Variants in INPP5A observed in about 807,000 individuals in gnomAD.
The protein encoded by INPP5A is 43 kDa inositol polyphosphate 5-phophatase.
A neutral mutation model predicts 65.2 loss-of-function variants in INPP5A; 14 were observed. The observed-to-expected ratio is 0.21, with a 90% confidence interval of 0.14 to 0.34. The LOEUF is 0.34. Ranked by LOEUF, INPP5A falls within the 10% of genes least tolerant of loss-of-function variation. The pLI, the probability that INPP5A is intolerant of heterozygous loss-of-function variation, is 1.00. For synonymous variants in INPP5A, 207 were observed against 208.3 expected, an observed-to-expected ratio of 0.99 and a Z score of 0.05; for missense variants, 431 against 545.6, an observed-to-expected ratio of 0.79 and a Z score of 2.09.
At chr10:132,652,083 T>C (rs967808526) in intron 4 of INPP5A, among the ~76,000 whole-genome samples, 1 of 152,120 alleles carries the variant, frequency 6.6e-6, no homozygotes, top group Non-Finnish European at 1.5e-5. Flanking sequence ...CCAGCTTCTT[T>C]CTCTCAGCTC....
At chr10:132,569,103 A>G (rs1286166621) in intron 1 of INPP5A, among the ~76,000 whole-genome samples, 1 of 151,772 alleles carries the variant, frequency 6.6e-6, no homozygotes, top group African/African-American at 2.4e-5. Context: ...TTTAGTAGAG[A>G]CAGGGTTTCT....
At chr10:132,738,686 C>A (rs1278603201) in intron 9 of INPP5A, among the ~76,000 whole-genome samples, 1 of 152,270 alleles carries the variant, frequency 6.6e-6, no homozygotes, top group East Asian at 1.9e-4. Flanking sequence ...GCCTGCCAGG[C>A]TGCTGGAGTC....
intron 11 of INPP5A, among the ~76,000 whole-genome samples, chr10:132,765,561 A>G (rs112051777): frequency 0.019 from 2,863 of 152,266 alleles, 75 homozygotes; most frequent in African/African-American, 0.064. Context: ...GAGCACATCT[A>G]TAACGGGCAG....
chr10:132,665,807 C>A (rs2072793651), intron 4 of INPP5A, among the ~76,000 whole-genome samples: 1 of 151,644 alleles, frequency 6.6e-6, no homozygotes, highest in Admixed American at 6.6e-5. Context: ...GTAATCCCAG[C>A]ACTCTGGGAG....
At chr10:132,617,499 G>A (rs907372842) in intron 2 of INPP5A, among the ~76,000 whole-genome samples, 1 of 152,238 alleles carries the variant, frequency 6.6e-6, no homozygotes, top group Admixed American at 6.5e-5. Context: ...GGTCTCCTGT[G>A]AGCCACACCT....
At chr10:132,615,375 G>C (rs1414708364) in intron 2 of INPP5A, among the ~76,000 whole-genome samples, 1 of 152,242 alleles carries the variant, frequency 6.6e-6, no homozygotes, top group South Asian at 2.1e-4. Flanking sequence ...ATGGGATGCT[G>C]TATGAGGAAG....
chr10:132,759,178 C>T (rs938178245), intron 11 of INPP5A, among the ~76,000 whole-genome samples: 5 of 152,214 alleles, frequency 3.3e-5, no homozygotes, highest in African/African-American at 1.2e-4. Context: ...TCCACACGCT[C>T]AGAGCCCCCA....
intron 4 of INPP5A, among the ~76,000 whole-genome samples, chr10:132,680,594 G>C (rs2073029347): frequency 6.6e-6 from 1 of 152,242 alleles, no homozygotes; most frequent in South Asian, 2.1e-4. Flanking sequence ...CCGCTGCACT[G>C]TGGGAGCCCC....
chr10:132,730,195 C>T (rs1283527575), intron 9 of INPP5A, among the ~76,000 whole-genome samples: 5 of 152,246 alleles, frequency 3.3e-5, no homozygotes, highest in Non-Finnish European at 7.3e-5. Flanking sequence ...CCCTGCGGGG[C>T]CCTCCCCACC....
intron 4 of INPP5A, among the ~76,000 whole-genome samples, chr10:132,688,777 T>G (rs1845196592): frequency 6.7e-6 from 1 of 150,370 alleles, no homozygotes; most frequent in Non-Finnish European, 1.5e-5. Context: ...CACGAATGAG[T>G]TCGTGTGTGA....
rs1133400 is a variant in INPP5A at position 132,645,884 on chromosome 10, A to G, written c.134A>G (p.Lys45Arg). The change falls in exon 3 of 16, where the codon AAG becomes AGG. Residue 45 changes from lysine (K) to arginine (R), a missense_variant. Transcript: ENST00000368594. ...REFYQVVHTH[K>R]PHFMALHCQE... ...TCCCTCCAGGTCGTGCACACACACAAGCCGCACTTCATGGCCTTGCACTGT... is the reference window on the plus strand; with the variant it reads ...TCCCTCCAGGTCGTGCACACACACAGGCCGCACTTCATGGCCTTGCACTGT... The G allele has an allele frequency of 0.21, 340,902 of 1,611,502 alleles. 37,863 individuals are homozygous for G. Among genetic ancestry groups the G allele is most frequent in the East Asian group, 0.32 (14,562 of 44,826 alleles).
intron 12 of INPP5A, among the ~76,000 whole-genome samples, chr10:132,777,067 C>T (rs545868714): frequency 4.6e-5 from 7 of 152,290 alleles, no homozygotes; most frequent in African/African-American, 1.7e-4. Flanking sequence ...CTACTGGCAC[C>T]GCCATGTGGC....
At chr10:132,646,801 G>A (rs554169002) in intron 3 of INPP5A, among the ~76,000 whole-genome samples, 6 of 152,218 alleles carry the variant, frequency 3.9e-5, no homozygotes, top group South Asian at 2.1e-4. Context: ...GTGGGCCGAC[G>A]CCGCTGCCAC....
chr10:132,588,369 C>G (rs1347634332), intron 1 of INPP5A, among the ~76,000 whole-genome samples: 2 of 152,250 alleles, frequency 1.3e-5, no homozygotes, highest in Non-Finnish European at 2.9e-5. Context: ...AGACTGGGTC[C>G]TTTCTCACGG....
chr10:132,688,715 G>A (rs1845194051), intron 4 of INPP5A, among the ~76,000 whole-genome samples: 1 of 151,740 alleles, frequency 6.6e-6, no homozygotes, highest in South Asian at 2.1e-4. Flanking sequence ...GTGTGAACAA[G>A]TGCATTGTGT....
At chr10:132,745,560 G>A (rs540530189) in intron 9 of INPP5A, among the ~76,000 whole-genome samples, 4 of 152,370 alleles carry the variant, frequency 2.6e-5, no homozygotes, top group East Asian at 1.9e-4. Context: ...GGCATGTCAC[G>A]GCTGGCACTG....
At chr10:132,703,662 A>C (rs1188505033) in intron 6 of INPP5A, among the ~76,000 whole-genome samples, 2 of 61,760 alleles carry the variant, frequency 3.2e-5, no homozygotes, top group Non-Finnish European at 2.9e-5. Flanking sequence ...ACACCCCCAC[A>C]CACACACACG....
intron 3 of INPP5A, among the ~76,000 whole-genome samples, chr10:132,646,407 C>G (rs1055112152): frequency 2.6e-5 from 4 of 152,168 alleles, no homozygotes; most frequent in Non-Finnish European, 5.9e-5. Flanking sequence ...CACGTGTATT[C>G]CCACTGTACA....
chr10:132,721,732 T>C (rs1188178682), intron 8 of INPP5A, among the ~76,000 whole-genome samples: 1 of 143,782 alleles, frequency 7.0e-6, no homozygotes, highest in Non-Finnish European at 1.5e-5. Context: ...CTTAGACTGC[T>C]GTCTTCAGGG....
Sources: gnomAD v4.1 joint callset for allele counts (sites outside exome capture counted in the v4.1 genomes callset) on GRCh38, gnomAD v4.1.1 for gene constraint, MANE v1.5 for transcripts, NCBI Gene and HGNC (gene_info 2026-07-23, HGNC 2026-07-21) for gene names.